EHBP1: variants seen among roughly 807,000 people sequenced by gnomAD.
The protein encoded by EHBP1 is EH domain binding protein 1, also known as EH domain-binding protein 1.
In EHBP1, 55 loss-of-function variants were observed where a neutral mutation model predicts 144.0. That is an observed-to-expected ratio of 0.38 (90% CI 0.31 to 0.48). EHBP1 has a LOEUF of 0.48. Among genes scored for constraint, EHBP1 ranks in the 20% least tolerant of loss-of-function variants. EHBP1 has a pLI of 0.98. For synonymous variants in EHBP1, 469 were observed against 472.7 expected (o/e 0.99, Z 0.10); for missense variants, 1,200 against 1,364.2 (o/e 0.88, Z 1.90).
At chr2:62,975,822 AGGTCAAGGCTGC>A (rs2058682912) in intron 14 of EHBP1, among the ~76,000 whole-genome samples, 1 of 150,096 alleles carries the variant, frequency 6.7e-6, no homozygotes, top group African/African-American at 2.4e-5. Flanking sequence ...TGAGCCTGGG[AGGTCAAGGCTGC>A]GGTGAGCTGT....
chr2:62,867,663 CAATCAAAA>C (rs1192467006), intron 9 of EHBP1, among the ~76,000 whole-genome samples: 2 of 152,094 alleles, frequency 1.3e-5, no homozygotes, highest in Non-Finnish European at 2.9e-5. Context: ...AGTGCCATCC[CAATCAAAA>C]TTTTAGCATG....
At chr2:62,771,504 T>C (rs113585035) in intron 5 of EHBP1, 112 bp downstream of exon 5, 211 of 713,724 alleles carry the variant, frequency 3.0e-4, no homozygotes, top group African/African-American at 2.8e-3. Flanking sequence ...GAAAATTAAA[T>C]AGTGATTTGT....
chr2:62,871,998 G>T (rs1253773845), intron 9 of EHBP1: 1 of 152,104 alleles, frequency 6.6e-6, no homozygotes, highest in Admixed American at 6.5e-5. Flanking sequence ...TTTTGTGTCA[G>T]TTTGCCAAGG....
chr2:62,981,410 T>A (rs1000954164), intron 15 of EHBP1, among the ~76,000 whole-genome samples: 5 of 152,204 alleles, frequency 3.3e-5, no homozygotes, highest in Non-Finnish European at 5.9e-5. Flanking sequence ...TGTGGCATCA[T>A]AAAGCCATGT....
At chr2:62,725,885 T>G (rs1386169922) in intron 2 of EHBP1, among the ~76,000 whole-genome samples, 1 of 152,128 alleles carries the variant, frequency 6.6e-6, no homozygotes, top group Non-Finnish European at 1.5e-5. Flanking sequence ...AGAGCTGCCC[T>G]GCTGGAGCTC....
chr2:62,921,103 G>A (rs2055042150), intron 10 of EHBP1, among the ~76,000 whole-genome samples: 2 of 152,226 alleles, frequency 1.3e-5, no homozygotes, highest in Admixed American at 6.5e-5. Context: ...AGTTACTGAA[G>A]TTAAACTGGT....
intron 16 of EHBP1, 51 bp from the exon 17 acceptor site, chr2:62,993,479 T>A: frequency 7.2e-7 from 1 of 1,391,052 alleles, no homozygotes; most frequent in South Asian, 2.0e-5. Flanking sequence ...AATGTGTAAT[T>A]TTATGTTTAT....
chr2:62,701,277 C>T (rs1338348630), upstream of EHBP1, among the ~76,000 whole-genome samples: 1 of 152,050 alleles, frequency 6.6e-6, no homozygotes, highest in Non-Finnish European at 1.5e-5. Context: ...CTTTAATAAA[C>T]CCAATATAGC....
chr2:62,901,513 GATAATTTAA>G (rs1453216481), intron 10 of EHBP1, among the ~76,000 whole-genome samples: 1 of 151,976 alleles, frequency 6.6e-6, no homozygotes, highest in Non-Finnish European at 1.5e-5. Context: ...GATAGAACTG[GATAATTTAA>G]AAAGTTGGAG....
intron 5 of EHBP1, among the ~76,000 whole-genome samples, chr2:62,783,927 A>G (rs960213494): frequency 6.6e-6 from 1 of 152,168 alleles, no homozygotes; most frequent in Non-Finnish European, 1.5e-5. Context: ...AAATTTTCCA[A>G]ATGTTTTGCT....
At chr2:62,874,245 T>C (rs2050703504) in intron 9 of EHBP1, 101 bp from the exon 10 acceptor site, 2 of 910,882 alleles carry the variant, frequency 2.2e-6, no homozygotes, top group Admixed American at 3.0e-5. Flanking sequence ...TGGGTTTTAT[T>C]TGAAAAAAGA....
chr2:62,805,212 A>C (rs2044347243), intron 5 of EHBP1, among the ~76,000 whole-genome samples: 1 of 152,210 alleles, frequency 6.6e-6, no homozygotes, highest in Non-Finnish European at 1.5e-5. Flanking sequence ...CCAAATGTCC[A>C]AAAATATGGG....
chr2:62,853,410 A>C (rs1302671938), intron 7 of EHBP1, among the ~76,000 whole-genome samples: 2 of 152,216 alleles, frequency 1.3e-5, no homozygotes, highest in Admixed American at 6.5e-5. Flanking sequence ...AGATTGCAGC[A>C]ATTCAGTGAT....
At chr2:62,809,942 C>T (rs1470855504) in intron 5 of EHBP1, among the ~76,000 whole-genome samples, 3 of 152,118 alleles carry the variant, frequency 2.0e-5, no homozygotes, top group Non-Finnish European at 4.4e-5. Context: ...CTAAGAGTGA[C>T]AAACTCAAAG....
rs1208344001 is a variant in EHBP1, at chr2:63,045,083, G to T, written c.3295G>T (p.Ala1099Ser). The T allele has an allele frequency of 1.9e-6, 3 of 1,569,610 alleles. No individual in the cohort carries two copies. In the South Asian group the frequency reaches 3.5e-5, roughly 18 times the overall value. Residue 1099 changes from alanine to serine, a missense_variant, in exon 22 of 23, where the codon GCC becomes TCC. Physicochemically the swap from Ala to Ser is moderately conservative, Grantham distance 99. This residue lies in a region of EHBP1 where 149 missense variants were observed against 217.0 expected (regional missense o/e 0.69). Coordinates refer to ENST00000431489, the MANE Select transcript of EHBP1 (RefSeq NM_001142616.3). This position sits in a 1 kb window ranked among gnomAD's most constrained non-coding sequence, Gnocchi z 5.7. ...TTCTGCAGACTGGCAGAAGACCGAGGCCCAGAAGCGACGCGAACAGCTTCT... is the reference window on the plus strand; with the variant it reads ...TTCTGCAGACTGGCAGAAGACCGAGTCCCAGAAGCGACGCGAACAGCTTCT... Reference protein sequence around the residue: ...LAIEDWQKTEAQKRREQLLLD... With the variant: ...LAIEDWQKTESQKRREQLLLD...
At chr2:62,998,672 T>C (rs1028671768) in intron 19 of EHBP1, among the ~76,000 whole-genome samples, 16 of 152,168 alleles carry the variant, frequency 1.1e-4, no homozygotes, top group Admixed American at 9.8e-4. Flanking sequence ...AGCTTTGAAA[T>C]GGCCCCATTC....
chr2:63,024,812 C>T (rs1308530471), intron 19 of EHBP1, among the ~76,000 whole-genome samples: 1 of 151,754 alleles, frequency 6.6e-6, no homozygotes, highest in Admixed American at 6.6e-5. Context: ...GCCTGGGCAA[C>T]AGAGTGAAAC....
At chr2:63,044,841 A>C in intron 21 of EHBP1, 1 of 457,026 alleles carries the variant, frequency 2.2e-6, no homozygotes, top group Middle Eastern at 5.6e-4. Context: ...GCAGGTTCCA[A>C]CACTGCTGCA....
At chr2:62,709,231 T>C (rs1221226424) in intron 2 of EHBP1, among the ~76,000 whole-genome samples, 1 of 151,696 alleles carries the variant, frequency 6.6e-6, no homozygotes, top group Admixed American at 6.6e-5. Flanking sequence ...ACAAAATGGG[T>C]AGGATTTGGT....
Sources: gnomAD v4.1 joint callset for allele counts (sites outside exome capture counted in the v4.1 genomes callset) on GRCh38, gnomAD v4.1.1 for gene constraint, gnomAD v4.1.1 regional missense constraint, Gnocchi (gnomAD v3.1) non-coding constraint, MANE v1.5 for transcripts, NCBI Gene and HGNC (gene_info 2026-07-23, HGNC 2026-07-21) for gene names.